Variants in CDC14A observed in about 807,000 individuals in gnomAD.
The protein encoded by CDC14A is cell division cycle 14A, also known as dual specificity protein phosphatase CDC14A.
Under a neutral mutation model 74.4 loss-of-function variants are expected in CDC14A, and 53 were observed. The observed-to-expected ratio is 0.71, with a 90% confidence interval of 0.57 to 0.89. CDC14A has a LOEUF of 0.89. Among genes scored for constraint, CDC14A ranks in the 40% least tolerant of loss-of-function variants. The probability of loss-of-function intolerance (pLI) is 0.00; values close to 1 mark genes in which losing one functional copy is unlikely to be tolerated. For synonymous variants in CDC14A, 247 were observed against 258.4 expected (o/e 0.96, Z 0.43); for missense variants, 646 against 713.7 (o/e 0.91, Z 1.08).
At chr1:100,466,892 A>G (rs1667881548) in intron 9 of CDC14A, among the ~76,000 whole-genome samples, 2 of 147,562 alleles carry the variant, frequency 1.4e-5, no homozygotes, top group African/African-American at 2.5e-5. Flanking sequence ...AAAAAAAAAG[A>G]AGGGTTAATG....
Position 100,353,862 on chromosome 1 carries a change from T to C in CDC14A, c.140+10T>C. The C allele has an allele frequency of 1.3e-6, 2 of 1,553,008 alleles. No homozygotes were observed. The highest frequency in any genetic ancestry group is 8.8e-7 in the Non-Finnish European group (1 of 1,130,018). ...AGCTGGTCTATGAAAAGTAAGTTTATGTTTTGTTTTTTTTTCTCTTGGCCA... is the reference window on the plus strand; with the variant it reads ...AGCTGGTCTATGAAAAGTAAGTTTACGTTTTGTTTTTTTTTCTCTTGGCCA... On this transcript the variant is annotated intron_variant, in intron 2 of 15. Coordinates refer to ENST00000336454, the MANE Select transcript of CDC14A (RefSeq NM_003672.4).
chr1:100,483,843 A>T (rs7542937), intron 10 of CDC14A, among the ~76,000 whole-genome samples: 8,232 of 152,192 alleles, frequency 0.054, 745 homozygotes, highest in African/African-American at 0.19. Flanking sequence ...AAAAGTAGGT[A>T]TGCAATACTT....
At chr1:100,496,088 T>C in intron 13 of CDC14A, 39 bp downstream of exon 13, 1 of 1,538,714 alleles carries the variant, frequency 6.5e-7, no homozygotes, top group Non-Finnish European at 9.0e-7. Context: ...AGCTTGTAAA[T>C]ATATGCTTCC....
chr1:100,427,011 T>C (rs1395139466), intron 5 of CDC14A, among the ~76,000 whole-genome samples: 1 of 152,220 alleles, frequency 6.6e-6, no homozygotes, highest in Non-Finnish European at 1.5e-5. Flanking sequence ...GAGTTGTTTT[T>C]AGTCTACAGT....
intron 4 of CDC14A, among the ~76,000 whole-genome samples, chr1:100,405,958 T>C (rs553816503): frequency 7.2e-5 from 11 of 152,316 alleles, no homozygotes; most frequent in Non-Finnish European, 1.2e-4. Context: ...CGCCACACTG[T>C]CTTCCACAAT....
chr1:100,466,818 C>T (rs1447510925), intron 9 of CDC14A, among the ~76,000 whole-genome samples: 2 of 142,416 alleles, frequency 1.4e-5, no homozygotes, highest in Non-Finnish European at 3.0e-5. Flanking sequence ...TGTGGTGAGC[C>T]GAGATCGCAC....
At chr1:100,351,658 C>T (rs1437103313), upstream of CDC14A, 1 of 1,282,358 alleles carries the variant, frequency 7.8e-7, no homozygotes, top group Non-Finnish European at 1.1e-6. Context: ...TCAGCGGTCT[C>T]GCCCCGCCCC....
chr1:100,440,645 T>G (rs935625542), intron 6 of CDC14A, among the ~76,000 whole-genome samples: 2 of 152,206 alleles, frequency 1.3e-5, no homozygotes, highest in African/African-American at 4.8e-5. Flanking sequence ...AACTATGGTT[T>G]ATTATCAGTC....
Position 100,504,735 on chromosome 1 carries a change from C to T in CDC14A, c.1755+5473C>T, listed in dbSNP as rs1013075087. On this transcript the variant is annotated intron_variant, in intron 15 of 15. Transcript: ENST00000336454. ...ACTTTCTTTGTTGAGCTTTCAGGCCCTCTGTACTGCATTTCTGTAGTATTG... is the reference window on the plus strand; with the variant it reads ...ACTTTCTTTGTTGAGCTTTCAGGCCTTCTGTACTGCATTTCTGTAGTATTG... 1.9e-5 allele frequency: 21 copies of T among 1,092,244 alleles called. No homozygotes were observed. The Admixed American group carries it at 3.4e-4, about 18-fold the overall frequency. The allele number at this position is 1,092,244 out of a possible 1,614,324, so 67.7% of individuals were successfully genotyped here.
intron 4 of CDC14A, among the ~76,000 whole-genome samples, chr1:100,414,044 C>T (rs951571376): frequency 6.6e-6 from 1 of 152,120 alleles, no homozygotes; most frequent in Non-Finnish European, 1.5e-5. Flanking sequence ...AAAATAGTGT[C>T]TTCTACTACA....
chr1:100,441,667 A>G (rs548612994), intron 6 of CDC14A, among the ~76,000 whole-genome samples: 2 of 129,984 alleles, frequency 1.5e-5, no homozygotes, highest in Non-Finnish European at 3.3e-5. Flanking sequence ...TTTTTTTTTT[A>G]GAATGGACTA....
chr1:100,504,452 T>C (rs1649055787), intron 15 of CDC14A, among the ~76,000 whole-genome samples: 2 of 152,214 alleles, frequency 1.3e-5, no homozygotes, highest in African/African-American at 4.8e-5. Context: ...TTGGCAAACT[T>C]TTTCTGTAAA....
chr1:100,397,043 T>G (rs1033619997), intron 4 of CDC14A, among the ~76,000 whole-genome samples: 7 of 152,160 alleles, frequency 4.6e-5, no homozygotes, highest in African/African-American at 1.7e-4. Context: ...TTTTTTTTTT[T>G]TTAAAGCTCA....
intron 10 of CDC14A, among the ~76,000 whole-genome samples, chr1:100,477,666 G>A (rs1669053061): frequency 6.6e-6 from 1 of 151,094 alleles, no homozygotes; most frequent in Non-Finnish European, 1.5e-5. Context: ...GAGATGAAGA[G>A]TATGAAGTCA....
intron 7 of CDC14A, among the ~76,000 whole-genome samples, chr1:100,449,531 A>G (rs756790320): frequency 1.3e-5 from 2 of 152,110 alleles, no homozygotes; most frequent in Admixed American, 1.3e-4. Flanking sequence ...GCTTTTGCAC[A>G]TGCTCTTGCT....
intron 11 of CDC14A, among the ~76,000 whole-genome samples, chr1:100,491,518 A>C (rs1430943487): frequency 3.8e-5 from 1 of 26,590 alleles, no homozygotes. Context: ...ATATATCTGC[A>C]TCTCTCTCTC....
intron 4 of CDC14A, among the ~76,000 whole-genome samples, chr1:100,422,409 T>G (rs1662480434): frequency 6.6e-6 from 1 of 152,232 alleles, no homozygotes; most frequent in African/African-American, 2.4e-5. Context: ...CAAGCAGCCC[T>G]CCCTTTTAGC....
chr1:100,508,221 A>G lies in CDC14A; in HGVS notation c.1755+8959A>G, dbSNP rs1649407450. 6.6e-6 allele frequency among the ~76,000 whole-genome samples: 1 copy of G among 151,726 alleles called. No homozygotes were observed. The highest frequency in any genetic ancestry group is 1.5e-5 in the Non-Finnish European group (1 of 67,948). On this transcript the variant is annotated intron_variant, in intron 15 of 15. Coordinates refer to ENST00000336454, the MANE Select transcript of CDC14A (RefSeq NM_003672.4). This position sits in a 1 kb window ranked among gnomAD's most constrained non-coding sequence, Gnocchi z 4.4. ...TTCTAATTTGATCCTTATGATAGCC[A>G]TCTGTTATAATTTGGGCCCGCCTGT...
intron 4 of CDC14A, among the ~76,000 whole-genome samples, chr1:100,410,879 C>T (rs1031335611): frequency 6.6e-6 from 1 of 152,160 alleles, no homozygotes; most frequent in South Asian, 2.1e-4. Context: ...TATTAAGGAA[C>T]ATTGGTTGAT....
Sources: allele counts gnomAD v4.1 joint callset (sites outside exome capture counted in the v4.1 genomes callset), GRCh38; gene constraint gnomAD v4.1.1; non-coding constraint Gnocchi (gnomAD v3.1); transcripts MANE v1.5; gene names NCBI Gene and HGNC (gene_info 2026-07-23, HGNC 2026-07-21).